The following TBL3 variants were observed in gnomAD, a reference collection of about 807,000 sequenced individuals.
TBL3 encodes the protein transducin beta like 3, also known as transducin beta-like protein 3.
Under a neutral mutation model 102.7 loss-of-function variants are expected in TBL3, and 71 were observed. The ratio of observed to expected loss-of-function variants is 0.69; its 90% CI spans 0.57 to 0.84. The LOEUF is 0.84. Ranked by LOEUF, TBL3 falls within the 40% of genes least tolerant of loss-of-function variation. The probability of loss-of-function intolerance (pLI) is 0.00; values close to 1 mark genes in which losing one functional copy is unlikely to be tolerated. For synonymous variants in TBL3, 578 were observed against 477.7 expected (o/e 1.21, Z -2.74); for missense variants, 1,188 against 1,098.5 (o/e 1.08, Z -1.15).
In TBL3 at chr16:1,975,791, T is replaced by C. The variant is rs1182322497; in HGVS notation, c.988-17T>C. On this transcript the variant is annotated splice_polypyrimidine_tract_variant and intron_variant, in intron 10 of 21. Transcript: ENST00000568546. ...ACAGGTCCTGGCTCACATCTCCTGC[T>C]CCCTGCCACCCCGCAGTTCGCTGGC... The C allele has an allele frequency of 6.2e-7, 1 of 1,614,082 alleles. No individual in the cohort carries two copies.
At position 1,975,730 on chromosome 16, in the gene TBL3, C is replaced by T; in HGVS notation, c.987+20C>T. On this transcript the variant is annotated intron_variant, in intron 10 of 21. Coordinates refer to ENST00000568546, the MANE Select transcript of TBL3 (RefSeq NM_006453.3). ...AAACAGGTGCACACCTGCCCTTGCTCAGTCTGGAGGCTGCGGGCACCAGCC... is the reference window on the plus strand; with the variant it reads ...AAACAGGTGCACACCTGCCCTTGCTTAGTCTGGAGGCTGCGGGCACCAGCC... The T allele has an allele frequency of 6.2e-7, 1 of 1,612,502 alleles. No homozygotes were observed. The highest frequency in any genetic ancestry group is 8.5e-7 in the Non-Finnish European group (1 of 1,179,192).
In TBL3 at chr16:1,978,656, T is replaced by C. The variant is rs764915396; in HGVS notation, c.2398T>C (p.Trp800Arg). The part of the protein sequence containing the change: ...LPVPAAAPTP[W>R]ETHKGALP Reference sequence around the variant, plus strand: ...TGTGCCGGCCGCCGCCCCCACCCCCTGGGAAACCCATAAAGGCGCACTGCC... The same window carrying C: ...TGTGCCGGCCGCCGCCCCCACCCCCCGGGAAACCCATAAAGGCGCACTGCC... The change falls in exon 22 of 22, where the codon TGG (tryptophan) becomes CGG (arginine). Residue 800 changes from tryptophan to arginine, a missense_variant. Transcript: ENST00000568546. 6.2e-7 allele frequency: 1 copy of C among 1,611,796 alleles called. No homozygotes were observed. The highest frequency in any genetic ancestry group is 8.5e-7 in the Non-Finnish European group (1 of 1,179,442).
chr16:1,980,797 C>T lies in TBL3; in HGVS notation c.*2112C>T. On this transcript the variant is annotated 3_prime_UTR_variant, in exon 22 of 22. Transcript: ENST00000568546. ...TGTGCACCCTTGAGAGGGCGGGGTC[C>T]CTCACCCGGATGGCAGGGGCTGGGA... The T allele has an allele frequency of 2.0e-6, 3 of 1,515,592 alleles. No individual in the cohort carries two copies. Among genetic ancestry groups the T allele is most frequent in the South Asian group, 1.2e-5 (1 of 85,188 alleles). 93.9% of individuals were successfully genotyped at this position (1,515,592 alleles called of 1,614,324 possible). A position where few individuals can be genotyped will look rare whatever the true frequency, so the allele number is the denominator to read the frequency against.
chr16:1,980,992 C>G lies in TBL3; in HGVS notation c.*2307C>G, dbSNP rs1042043807. 3.1e-6 allele frequency: 5 copies of G among 1,613,156 alleles called. No homozygotes were observed. The highest frequency in any genetic ancestry group is 1.3e-5 in the African/African-American group (1 of 74,946). On this transcript the variant is annotated 3_prime_UTR_variant, in exon 22 of 22. Coordinates refer to ENST00000568546, the MANE Select transcript of TBL3 (RefSeq NM_006453.3). Reference sequence around the variant, plus strand: ...CTGCGCACGAAGGTGTCGCTGCCGTCTGACCAGCGCACAGAGAAGGCAAAC... The same window carrying G: ...CTGCGCACGAAGGTGTCGCTGCCGTGTGACCAGCGCACAGAGAAGGCAAAC...
chr16:1,979,639 G>T lies in TBL3; in HGVS notation c.*954G>T. The T allele has an allele frequency of 1.5e-6, 2 of 1,302,148 alleles. No homozygotes were observed. The highest frequency in any genetic ancestry group is 1.1e-6 in the Non-Finnish European group (1 of 932,394). The allele number at this position is 1,302,148 out of a possible 1,614,324, so 80.7% of individuals were successfully genotyped here. A position where few individuals can be genotyped will look rare whatever the true frequency, so the allele number is the denominator to read the frequency against. Reference sequence around the variant, plus strand: ...TTCTCCTTGCTTGAGTCTGCTGACGGCGGGGCCGCTCTAAGACCGGTTCGG... The same window carrying T: ...TTCTCCTTGCTTGAGTCTGCTGACGTCGGGGCCGCTCTAAGACCGGTTCGG... On this transcript the variant is annotated 3_prime_UTR_variant, in exon 22 of 22. Transcript: ENST00000568546.
rs1472147274 is a variant in TBL3, at chr16:1,979,772, G to A, written c.*1087G>A. 3.3e-5 allele frequency: 50 copies of A among 1,495,088 alleles called. No individual in the cohort carries two copies. Among genetic ancestry groups the A allele is most frequent in the Non-Finnish European group, 4.4e-5 (49 of 1,112,756 alleles). The allele number at this position is 1,495,088 out of a possible 1,614,324, so 92.6% of individuals were successfully genotyped here. On this transcript the variant is annotated 3_prime_UTR_variant, in exon 22 of 22. Transcript: ENST00000568546. ...TCAAGCCGCAGTGGTGGCGTGAGGG[G>A]TGGGGTTAGGCGCATACCGCTGCTC...
Position 1,980,945 on chromosome 16 carries a change from C to T in TBL3, c.*2260C>T, listed in dbSNP as rs752845842. 6.2e-7 allele frequency: 1 copy of T among 1,612,566 alleles called. No homozygotes were observed. Among genetic ancestry groups the T allele is most frequent in the Admixed American group, 1.7e-5 (1 of 60,024 alleles). Reference sequence around the variant, plus strand: ...GTGGCCCAGGGTCACTCACCTTGAGCTGCCTGAATTCGTCCCAACTCCTGC... The same window carrying T: ...GTGGCCCAGGGTCACTCACCTTGAGTTGCCTGAATTCGTCCCAACTCCTGC... On this transcript the variant is annotated 3_prime_UTR_variant, in exon 22 of 22. Coordinates refer to ENST00000568546, the MANE Select transcript of TBL3 (RefSeq NM_006453.3).
Position 1,980,973 on chromosome 16 carries a change from A to G in TBL3, c.*2288A>G. ...CCTGAATTCGTCCCAACTCCTGCGC[A>G]CGAAGGTGTCGCTGCCGTCTGACCA... On this transcript the variant is annotated 3_prime_UTR_variant, in exon 22 of 22. Coordinates refer to ENST00000568546, the MANE Select transcript of TBL3 (RefSeq NM_006453.3). The G allele has an allele frequency of 1.9e-6, 3 of 1,613,180 alleles. No individual in the cohort carries two copies. The highest frequency in any genetic ancestry group is 2.5e-6 in the Non-Finnish European group (3 of 1,180,010).
chr16:1,974,782 G>A lies in TBL3; in HGVS notation c.399G>A (p.Val133=), dbSNP rs771377404. Residue 133 remains valine (V), a synonymous_variant, in exon 6 of 22, where the codon GTG becomes GTA. Transcript: ENST00000568546. ...CCGCAGGTGGCTGTGATGGGGCCGTGCGCGTCTGGGACATCGTGCGGCACT... is the reference window on the plus strand; with the variant it reads ...CCGCAGGTGGCTGTGATGGGGCCGTACGCGTCTGGGACATCGTGCGGCACT... ...LLATGGCDGA[V]RVWDIVRHYG... is the part of the protein sequence containing the mutation. 6.2e-6 allele frequency: 10 copies of A among 1,612,936 alleles called. No homozygotes were observed. The highest frequency in any genetic ancestry group is 1.7e-5 in the Admixed American group (1 of 60,002).
At chr16:1,977,839 C>G in intron 18 of TBL3, 39 bp downstream of exon 18, 1 of 1,567,932 alleles carries the variant, frequency 6.4e-7, no homozygotes, top group Non-Finnish European at 8.6e-7. Context: ...CGCATCAGCC[C>G]TGCTCTGTGC....
chr16:1,978,912 G>T lies in TBL3; in HGVS notation c.*227G>T, dbSNP rs1053521187. ...CCGCGGCTCCGCACGCTTAGACGGT[G>T]GGGGTCATGCAGAACAAGCTTTACT... On this transcript the variant is annotated 3_prime_UTR_variant, in exon 22 of 22. Coordinates refer to ENST00000568546, the MANE Select transcript of TBL3 (RefSeq NM_006453.3). 9.1e-7 allele frequency: 1 copy of T among 1,103,858 alleles called. No homozygotes were observed. Among genetic ancestry groups the T allele is most frequent in the Non-Finnish European group, 1.3e-6 (1 of 781,444 alleles). 68.4% of individuals were successfully genotyped at this position (1,103,858 alleles called of 1,614,324 possible).
chr16:1,975,903 G>A lies in TBL3; in HGVS notation c.1083G>A (p.Val361=), dbSNP rs1798691752. Residue 361 remains valine (V), a synonymous_variant, in exon 11 of 22, where the codon GTG becomes GTA. Coordinates refer to ENST00000568546, the MANE Select transcript of TBL3 (RefSeq NM_006453.3). ...CCTCCAATAGCCCCTGCCTAAAAGT[G>A]TTTGAGCTGCAGACGTCAGCCTGCC... ...VVASNSPCLK[V]FELQTSACQI... is the part of the protein sequence containing the mutation. The A allele has an allele frequency of 2.5e-6, 4 of 1,614,034 alleles. No individual in the cohort carries two copies. Among genetic ancestry groups the A allele is most frequent in the East Asian group, 2.2e-5 (1 of 44,894 alleles).
In TBL3 at chr16:1,972,070, T is replaced by C. The variant is rs959143901; in HGVS notation, c.-95T>C. The C allele has an allele frequency of 2.3e-6, 3 of 1,321,674 alleles. No homozygotes were observed. The highest frequency in any genetic ancestry group is 1.8e-5 in the South Asian group (1 of 56,286). The allele number at this position is 1,321,674 out of a possible 1,614,324, so 81.9% of individuals were successfully genotyped here. A position where few individuals can be genotyped will look rare whatever the true frequency, so the allele number is the denominator to read the frequency against. On this transcript the variant is annotated 5_prime_UTR_variant, in exon 1 of 22. Coordinates refer to ENST00000568546, the MANE Select transcript of TBL3 (RefSeq NM_006453.3). The stretch of plus-strand genomic sequence containing the variant: ...ACGCCATCGCAGCGCGCCGGGAGTG[T>C]GGCGTTCTGTGAAGAGTTCGGTGCT...
At position 1,980,212 on chromosome 16, in the gene TBL3, T is replaced by C. The variant is rs1273762322; in HGVS notation, c.*1527T>C. On this transcript the variant is annotated 3_prime_UTR_variant, in exon 22 of 22. Coordinates refer to ENST00000568546, the MANE Select transcript of TBL3 (RefSeq NM_006453.3). Reference sequence around the variant, plus strand: ...AAGGGCAGCCCGTACGAGTGAGAGGTAGGCGGATGGGGAGGGTGAAACTGG... The same window carrying C: ...AAGGGCAGCCCGTACGAGTGAGAGGCAGGCGGATGGGGAGGGTGAAACTGG... The C allele has an allele frequency of 1.9e-6, 3 of 1,573,360 alleles. No homozygotes were observed. In the Admixed American group the frequency reaches 5.5e-5, roughly 29 times the overall value.
intron 5 of TBL3, 27 bp downstream of exon 5, chr16:1,974,706 G>A (rs199888423): frequency 7.3e-4 from 1,182 of 1,611,664 alleles, no homozygotes; most frequent in Admixed American, 2.2e-3. Context: ...CAGGTGGGTC[G>A]TGGGCACAGA....
At position 1,975,510 on chromosome 16, in the gene TBL3, CCT is replaced by C. The variant is rs760316991; in HGVS notation, c.806-18_806-17del. 4.5e-5 allele frequency: 72 copies of C among 1,598,756 alleles called. No individual in the cohort carries two copies. Among genetic ancestry groups the C allele is most frequent in the Non-Finnish European group, 1.7e-5 (20 of 1,174,796 alleles). On this transcript the variant is annotated splice_polypyrimidine_tract_variant and intron_variant, in intron 9 of 21. Transcript: ENST00000568546. ...CTGTGGACCTGAGAGTCTCAGCAGC[CCT>C]GTCCCCACCCACACAGGCACTCTGC...
chr16:1,980,159 C>T lies in TBL3; in HGVS notation c.*1474C>T. ...GCAGCGCGAGAAAGAGGCTGCTCCT[C>T]TGGGGTGGGCAGGATCACCCGGCTG... On this transcript the variant is annotated 3_prime_UTR_variant, in exon 22 of 22. Coordinates refer to ENST00000568546, the MANE Select transcript of TBL3 (RefSeq NM_006453.3). 2 of 1,603,632 alleles carry T rather than the reference C, an allele frequency of 1.2e-6. No homozygotes were observed. The highest frequency in any genetic ancestry group is 1.7e-6 in the Non-Finnish European group (2 of 1,177,682).
Position 1,974,761 on chromosome 16 carries a change from A to T in TBL3, c.380-2A>T. 6.2e-7 allele frequency: 1 copy of T among 1,612,682 alleles called. No homozygotes were observed. Among genetic ancestry groups the T allele is most frequent in the Non-Finnish European group, 8.5e-7 (1 of 1,179,960 alleles). ...CCACCCCCTCACCTTGCTTCCCCGC[A>T]GGTGGCTGTGATGGGGCCGTGCGCG... On this transcript the variant is annotated splice_acceptor_variant, in intron 5 of 21. Transcript: ENST00000568546. LOFTEE classifies it high-confidence loss of function.
chr16:1,979,802 G>A lies in TBL3; in HGVS notation c.*1117G>A. The A allele has an allele frequency of 6.4e-7, 1 of 1,555,972 alleles. No individual in the cohort carries two copies. The highest frequency in any genetic ancestry group is 8.7e-7 in the Non-Finnish European group (1 of 1,152,222). ...GTTAGGCGCATACCGCTGCTCCCTAGGGACGGGCCTCCCTCCCGGCCTTGG... is the reference window on the plus strand; with the variant it reads ...GTTAGGCGCATACCGCTGCTCCCTAAGGACGGGCCTCCCTCCCGGCCTTGG... On this transcript the variant is annotated 3_prime_UTR_variant, in exon 22 of 22. Transcript: ENST00000568546.
Sources: gnomAD v4.1 joint callset for allele counts on GRCh38, gnomAD v4.1.1 for gene constraint, MANE v1.5 for transcripts, NCBI Gene and HGNC (gene_info 2026-07-23, HGNC 2026-07-21) for gene names.